Variants in DAB1 observed in about 807,000 individuals in gnomAD.
DAB1 encodes the protein DAB adaptor protein 1.
In DAB1, 15 loss-of-function variants were observed where a neutral mutation model predicts 64.6. The ratio of observed to expected loss-of-function variants is 0.23; its 90% CI spans 0.16 to 0.36. The LOEUF (loss-of-function observed/expected upper bound fraction) is 0.36. DAB1 is among the 10% of genes least tolerant of loss of function. The pLI is 1.00. For missense variants in DAB1, 596 were observed against 706.7 expected (o/e 0.84, Z 1.78); for synonymous variants, 235 against 251.9 (o/e 0.93, Z 0.64).
At chr1:57,146,336 G>A (rs1659130312) in intron 2 of DAB1, among the ~76,000 whole-genome samples, 1 of 152,198 alleles carries the variant, frequency 6.6e-6, no homozygotes, top group African/African-American at 2.4e-5. Flanking sequence ...ATCATACTTT[G>A]ATTAGTCAGA....
intron 5 of DAB1, among the ~76,000 whole-genome samples, chr1:57,981,436 T>C (rs1317576071): frequency 6.6e-6 from 1 of 152,102 alleles, no homozygotes; most frequent in Non-Finnish European, 1.5e-5. Context: ...TTTGAATTAA[T>C]AATATGAAAA....
chr1:58,355,756 C>T (rs1644104775), intron 3 of DAB1, among the ~76,000 whole-genome samples: 1 of 152,082 alleles, frequency 6.6e-6, no homozygotes, highest in Non-Finnish European at 1.5e-5. Context: ...AGGCTATTTC[C>T]CTCTTTTCTT....
At chr1:58,448,583 A>AGTTT in intron 3 of DAB1, among the ~76,000 whole-genome samples, 1 of 152,270 alleles carries the variant, frequency 6.6e-6, no homozygotes, top group East Asian at 1.9e-4. Context: ...CCTGGTGTTG[A>AGTTT]GTTTGCAGGT....
chr1:57,418,220 C>A (rs1219767890), intron 1 of DAB1, among the ~76,000 whole-genome samples: 1 of 152,172 alleles, frequency 6.6e-6, no homozygotes, highest in Non-Finnish European at 1.5e-5. Flanking sequence ...GAATGTTCTT[C>A]CTCAATTTCC....
At chr1:58,349,059 A>G (rs1644027089) in intron 3 of DAB1, among the ~76,000 whole-genome samples, 1 of 152,174 alleles carries the variant, frequency 6.6e-6, no homozygotes, top group African/African-American at 2.4e-5. Context: ...TCAGTCTTTG[A>G]AAACTTACTC....
At chr1:57,911,736 C>G (rs928478280) in intron 5 of DAB1, among the ~76,000 whole-genome samples, 4 of 152,216 alleles carry the variant, frequency 2.6e-5, no homozygotes, top group Non-Finnish European at 5.9e-5. Flanking sequence ...CCTTCATAGT[C>G]CCTTCTCGCT....
chr1:57,238,450 T>C (rs2100462465), intron 2 of DAB1, among the ~76,000 whole-genome samples: 1 of 152,354 alleles, frequency 6.6e-6, no homozygotes, highest in South Asian at 2.1e-4. Flanking sequence ...TATATTTAGA[T>C]GCTGCTATCT....
intron 4 of DAB1, among the ~76,000 whole-genome samples, chr1:58,180,164 A>G (rs1656698351): frequency 6.6e-6 from 1 of 151,586 alleles, no homozygotes; most frequent in African/African-American, 2.4e-5. Context: ...ACAAAAAACA[A>G]CTGTATTTCC....
chr1:58,197,703 CTTT>C (rs3053698), intron 4 of DAB1, among the ~76,000 whole-genome samples: 2 of 139,952 alleles, frequency 1.4e-5, no homozygotes, highest in Non-Finnish European at 3.1e-5. Context: ...GAGAGTTACA[CTTT>C]TTTTTTTTTT....
chr1:57,754,727 G>A (rs548871406), intron 6 of DAB1, among the ~76,000 whole-genome samples: 25 of 152,054 alleles, frequency 1.6e-4, no homozygotes, highest in African/African-American at 4.3e-4. Context: ...ACAAACAAAC[G>A]AACAAAACAA....
intron 2 of DAB1, among the ~76,000 whole-genome samples, chr1:57,272,724 T>C (rs1671109359): frequency 6.6e-6 from 1 of 151,976 alleles, no homozygotes; most frequent in Non-Finnish European, 1.5e-5. Context: ...ACCTCACTGG[T>C]TGTTGTGTTA....
intron 6 of DAB1, among the ~76,000 whole-genome samples, chr1:57,711,400 G>T (rs547900837): frequency 6.6e-6 from 1 of 152,288 alleles, no homozygotes; most frequent in South Asian, 2.1e-4. Context: ...TAAGGTGTGG[G>T]CTATGCAGAT....
intron 4 of DAB1, among the ~76,000 whole-genome samples, chr1:58,317,174 A>C (rs1662576263): frequency 6.6e-6 from 1 of 152,232 alleles, no homozygotes; most frequent in Non-Finnish European, 1.5e-5. Context: ...GCATCCTTAG[A>C]AAATCCAATT....
chr1:57,572,987 C>T (rs1349060926), intron 7 of DAB1, among the ~76,000 whole-genome samples: 2 of 152,178 alleles, frequency 1.3e-5, no homozygotes, highest in African/African-American at 4.8e-5. Flanking sequence ...ACATCTCCCA[C>T]CAGGCTCCAT....
Position 57,667,121 on chromosome 1 carries a change from T to C in DAB1, n.552-17456A>G, listed in dbSNP as rs957499295. On this transcript the variant is annotated intron_variant and non_coding_transcript_variant, in intron 6 of 20. Transcript: ENST00000485760. ...CCTGCCTTAGAGTTTTTGCATTGGG[T>C]ATTCCATCTAATCACAAACAAATTC... Among the ~76,000 whole-genome samples, 6 of 152,176 alleles carry C rather than the reference T, an allele frequency of 3.9e-5. 1 individual carries two copies. Among genetic ancestry groups the C allele is most frequent in the African/African-American group, 9.7e-5 (4 of 41,446 alleles).
chr1:58,123,075 C>G (rs1471149802), intron 5 of DAB1, among the ~76,000 whole-genome samples: 6 of 152,086 alleles, frequency 3.9e-5, no homozygotes, highest in Non-Finnish European at 8.8e-5. Flanking sequence ...CTGAGATATT[C>G]TGAAGGTGAA....
chr1:58,127,584 T>A (rs527444391), intron 5 of DAB1, among the ~76,000 whole-genome samples: 1 of 152,226 alleles, frequency 6.6e-6, no homozygotes, highest in Non-Finnish European at 1.5e-5. Flanking sequence ...AGGGTTTTTA[T>A]GGTTTTAGGT....
chr1:58,225,836 G>T (rs1344063777), intron 4 of DAB1, among the ~76,000 whole-genome samples: 2 of 148,984 alleles, frequency 1.3e-5, no homozygotes, highest in African/African-American at 4.9e-5. Context: ...GGGAGGGATA[G>T]CATTAGGAGA....
intron 2 of DAB1, among the ~76,000 whole-genome samples, chr1:57,261,512 G>A (rs1191112317): frequency 1.3e-5 from 2 of 152,158 alleles, no homozygotes; most frequent in Non-Finnish European, 2.9e-5. Flanking sequence ...CATGAAGTCA[G>A]TGATCCATGT....
Sources: allele counts gnomAD v4.1 joint callset (sites outside exome capture counted in the v4.1 genomes callset), GRCh38; gene constraint gnomAD v4.1.1; transcripts MANE v1.5; gene names NCBI Gene and HGNC (gene_info 2026-07-23, HGNC 2026-07-21).